LMX1A: variants seen among roughly 807,000 people sequenced by gnomAD.
LMX1A encodes LIM homeobox transcription factor 1 alpha, also known as LIM homeobox transcription factor 1-alpha.
A neutral mutation model predicts 49.1 loss-of-function variants in LMX1A; 15 were observed. The ratio of observed to expected loss-of-function variants is 0.31; its 90% CI spans 0.20 to 0.47. The LOEUF (loss-of-function observed/expected upper bound fraction) is 0.47. Among genes scored for constraint, LMX1A ranks in the 20% least tolerant of loss-of-function variants. LMX1A has a pLI of 1.00. For missense variants in LMX1A, 372 were observed against 475.8 expected (o/e 0.78, Z 2.03); for synonymous variants, 167 against 185.7 (o/e 0.90, Z 0.82).
At chr1:165,321,100 G>A (rs538474100) in intron 3 of LMX1A, among the ~76,000 whole-genome samples, 26 of 152,162 alleles carry the variant, frequency 1.7e-4, no homozygotes, top group Admixed American at 1.2e-3. Context: ...ACACATGGAC[G>A]AACCCTAAAA....
At chr1:165,207,882 T>C (rs1433079466) in intron 7 of LMX1A, among the ~76,000 whole-genome samples, 181 bp downstream of exon 7, 1 of 152,180 alleles carries the variant, frequency 6.6e-6, no homozygotes, top group Non-Finnish European at 1.5e-5. Flanking sequence ...TCAGGAGCCC[T>C]CAACCCTCTC....
Position 165,291,691 on chromosome 1 carries a change from G to A in LMX1A, c.264-42051C>T, listed in dbSNP as rs535617532. Among the ~76,000 whole-genome samples the A allele has an allele frequency of 7.9e-5, 12 of 152,308 alleles. No individual in the cohort carries two copies. In the East Asian group the frequency reaches 1.7e-3, roughly 22 times the overall value. On this transcript the variant is annotated intron_variant, in intron 3 of 8. Coordinates refer to ENST00000342310, the MANE Select transcript of LMX1A (RefSeq NM_177398.4). ...TTTATAGATGGGAAACTGAGGCACAGAAAAATTTTAAATTACTTTCTTAAG... is the reference window on the plus strand; with the variant it reads ...TTTATAGATGGGAAACTGAGGCACAAAAAAATTTTAAATTACTTTCTTAAG...
chr1:165,349,052 T>A (rs1656336320), intron 3 of LMX1A, among the ~76,000 whole-genome samples: 1 of 152,204 alleles, frequency 6.6e-6, no homozygotes, highest in Non-Finnish European at 1.5e-5. Flanking sequence ...TATCCCACAC[T>A]GCTCCTAGGA....
intron 6 of LMX1A, among the ~76,000 whole-genome samples, chr1:165,209,302 C>T (rs1193227174): frequency 6.6e-6 from 1 of 152,156 alleles, no homozygotes; most frequent in Admixed American, 6.5e-5. Context: ...TGGTCGTTGA[C>T]CCTGTTTTTT....
chr1:165,289,620 C>T (rs1171598499), intron 3 of LMX1A, among the ~76,000 whole-genome samples: 1 of 152,272 alleles, frequency 6.6e-6, no homozygotes, highest in South Asian at 2.1e-4. Context: ...CACATTCACA[C>T]ATCACTGCTG....
chr1:165,355,608 T>C lies in LMX1A; in HGVS notation c.-22-27A>G, dbSNP rs1557895113. 1.3e-6 allele frequency: 2 copies of C among 1,568,042 alleles called. No homozygotes were observed. Among genetic ancestry groups the C allele is most frequent in the Non-Finnish European group, 1.7e-6 (2 of 1,144,280 alleles). ...TGTAGAGGAGAAGAAACGATGCGTCTGACGTCCGTGCCCGCTGGGACTCGG... is the reference window on the plus strand; with the variant it reads ...TGTAGAGGAGAAGAAACGATGCGTCCGACGTCCGTGCCCGCTGGGACTCGG... On this transcript the variant is annotated intron_variant, in intron 1 of 8. Coordinates refer to ENST00000342310, the MANE Select transcript of LMX1A (RefSeq NM_177398.4). This position sits in a 1 kb window ranked among gnomAD's most constrained non-coding sequence, Gnocchi z 4.7.
At chr1:165,338,153 C>T (rs542050151) in intron 3 of LMX1A, among the ~76,000 whole-genome samples, 1 of 152,212 alleles carries the variant, frequency 6.6e-6, no homozygotes, top group South Asian at 2.1e-4. Flanking sequence ...ATTTTGTCCC[C>T]AGAAATTAGC....
At chr1:165,219,487 A>G (rs1002222236) in intron 4 of LMX1A, among the ~76,000 whole-genome samples, 1 of 152,184 alleles carries the variant, frequency 6.6e-6, no homozygotes, top group Non-Finnish European at 1.5e-5. Flanking sequence ...TTATGAAGAC[A>G]GGATATATAG....
intron 3 of LMX1A, among the ~76,000 whole-genome samples, chr1:165,321,584 G>A (rs954603945): frequency 6.6e-6 from 1 of 152,024 alleles, no homozygotes; most frequent in African/African-American, 2.4e-5. Flanking sequence ...AACCCACCAT[G>A]CCTTACCTCA....
intron 3 of LMX1A, among the ~76,000 whole-genome samples, chr1:165,268,121 C>G (rs1200339927): frequency 6.6e-6 from 1 of 151,984 alleles, no homozygotes; most frequent in Non-Finnish European, 1.5e-5. Context: ...AACTAGGGCA[C>G]TTGTGGAGTG....
rs1652876638 is a variant in LMX1A, at chr1:165,247,054, C to CTTTTTTTTTCTTTTTTTTTTT, written c.496+2353_496+2354insAAAAAAAAAAAGAAAAAAAAA. Among the ~76,000 whole-genome samples, 123 of 53,234 alleles carry CTTTTTTTTTCTTTTTTTTTTT rather than the reference C, an allele frequency of 2.3e-3. 13 individuals carry two copies. Among genetic ancestry groups the CTTTTTTTTTCTTTTTTTTTTT allele is most frequent in the African/African-American group, 8.7e-3 (121 of 13,920 alleles). The allele number at this position is 53,234 out of a possible 152,430, so 34.9% of individuals were successfully genotyped here. On this transcript the variant is annotated intron_variant, in intron 4 of 8. Transcript: ENST00000342310. ...GTTACTTAGATCAGATCAGCTTTTT[C>CTTTTTTTTTCTTTTTTTTTTT]TTTTTTTTTTTTTTTTTTTTTTTTT... is the stretch of plus-strand genomic sequence containing the variant.
intron 3 of LMX1A, among the ~76,000 whole-genome samples, chr1:165,311,230 C>A (rs187171480): frequency 6.6e-6 from 1 of 152,092 alleles, no homozygotes; most frequent in Admixed American, 6.6e-5. Context: ...AAATAATGGG[C>A]CCAAAGGGCT....
intron 4 of LMX1A, among the ~76,000 whole-genome samples, chr1:165,231,185 T>C (rs1652227992): frequency 6.6e-6 from 1 of 152,182 alleles, no homozygotes; most frequent in African/African-American, 2.4e-5. Flanking sequence ...AATTGCTTTA[T>C]ATAACTGCAC....
intron 3 of LMX1A, among the ~76,000 whole-genome samples, chr1:165,331,265 G>C (rs1172292399): frequency 6.6e-6 from 1 of 152,052 alleles, no homozygotes; most frequent in East Asian, 1.9e-4. Flanking sequence ...GGAAATGATA[G>C]GAAATACCAG....
chr1:165,251,963 G>T (rs1653074532), intron 3 of LMX1A, among the ~76,000 whole-genome samples: 2 of 152,176 alleles, frequency 1.3e-5, no homozygotes, highest in Non-Finnish European at 2.9e-5. Flanking sequence ...TCTTGGGCAG[G>T]TTGTTTAGCC....
At chr1:165,348,500 C>T (rs1656318546) in intron 3 of LMX1A, among the ~76,000 whole-genome samples, 1 of 152,134 alleles carries the variant, frequency 6.6e-6, no homozygotes, top group Non-Finnish European at 1.5e-5. Flanking sequence ...CCGAGCTAAG[C>T]CCCCTGCAAT....
intron 3 of LMX1A, among the ~76,000 whole-genome samples, chr1:165,336,054 C>G (rs1201510134): frequency 6.6e-6 from 1 of 152,150 alleles, no homozygotes; most frequent in Non-Finnish European, 1.5e-5. Context: ...TATCGAGGAT[C>G]TTTACTAAAT....
intron 3 of LMX1A, among the ~76,000 whole-genome samples, chr1:165,299,582 C>T (rs74118550): frequency 0.024 from 3,685 of 152,214 alleles, 143 homozygotes; most frequent in African/African-American, 0.077. Flanking sequence ...TCATCCAATG[C>T]GATCTACTGA....
chr1:165,265,609 A>G (rs141101094), intron 3 of LMX1A, among the ~76,000 whole-genome samples: 8 of 152,222 alleles, frequency 5.3e-5, no homozygotes, highest in Admixed American at 4.6e-4. Flanking sequence ...ACACACTGGC[A>G]TCAACCTCCA....
Sources: gnomAD v4.1 joint callset for allele counts (sites outside exome capture counted in the v4.1 genomes callset) on GRCh38, gnomAD v4.1.1 for gene constraint, Gnocchi (gnomAD v3.1) non-coding constraint, MANE v1.5 for transcripts, NCBI Gene and HGNC (gene_info 2026-07-23, HGNC 2026-07-21) for gene names.